Variants in NAALADL2 observed in about 807,000 individuals in gnomAD.
The protein encoded by NAALADL2 is inactive N-acetylated-alpha-linked acidic dipeptidase-like protein 2.
Under a neutral mutation model 87.2 loss-of-function variants are expected in NAALADL2, and 76 were observed. That is an observed-to-expected ratio of 0.87 (90% CI 0.72 to 1.05). The LOEUF is 1.05. NAALADL2 is among the 50% of genes least tolerant of loss of function. The pLI, the probability that NAALADL2 is intolerant of heterozygous loss-of-function variation, is 0.00. For missense variants in NAALADL2, 1,089 were observed against 945.8 expected (o/e 1.15, Z -1.99); for synonymous variants, 354 against 331.0 (o/e 1.07, Z -0.75).
intron 5 of NAALADL2, among the ~76,000 whole-genome samples, chr3:175,410,405 A>G (rs1012623497): frequency 1.3e-5 from 2 of 152,168 alleles, no homozygotes; most frequent in Non-Finnish European, 2.9e-5. Context: ...GAAGCTCTGT[A>G]TGAACACTAA....
At chr3:175,222,902 A>G (rs993628784) in intron 2 of NAALADL2, among the ~76,000 whole-genome samples, 1 of 152,164 alleles carries the variant, frequency 6.6e-6, no homozygotes, top group Non-Finnish European at 1.5e-5. Context: ...CTGGCTTAAT[A>G]AAACACTGCT....
chr3:174,761,238 T>C (rs569562724), intron 3 of NAALADL2, among the ~76,000 whole-genome samples: 28 of 152,336 alleles, frequency 1.8e-4, no homozygotes, highest in Admixed American at 1.8e-3. Flanking sequence ...ATTATTCTGA[T>C]TTGGCAATTT....
In NAALADL2 at chr3:175,013,353, C is replaced by A. The variant is rs192542312; in HGVS notation, c.44-83437C>A. 2.0e-4 allele frequency among the ~76,000 whole-genome samples: 24 copies of A among 120,722 alleles called. No homozygotes were observed. The Admixed American group carries it at 2.4e-3, about 12-fold the overall frequency. The allele number at this position is 120,722 out of a possible 152,430, so 79.2% of individuals were successfully genotyped here. A position where few individuals can be genotyped will look rare whatever the true frequency, so the allele number is the denominator to read the frequency against. The stretch of plus-strand genomic sequence containing the variant: ...TTGCTCTGTTGTCCAGGCTGGAGTG[C>A]AGTGGTGTGATCTCGGCTCATTGAA... On this transcript the variant is annotated intron_variant, in intron 1 of 13. Transcript: ENST00000454872.
At chr3:175,005,399 T>A (rs912652799) in intron 1 of NAALADL2, among the ~76,000 whole-genome samples, 1 of 152,218 alleles carries the variant, frequency 6.6e-6, no homozygotes, top group Non-Finnish European at 1.5e-5. Flanking sequence ...CTACACTTTA[T>A]AATAACCTAT....
intron 2 of NAALADL2, among the ~76,000 whole-genome samples, chr3:174,705,308 C>A (rs910895887): frequency 2.3e-4 from 35 of 152,098 alleles, no homozygotes; most frequent in African/African-American, 6.5e-4. Flanking sequence ...GACAGTAGCC[C>A]CAGTAAGAAT....
intron 11 of NAALADL2, among the ~76,000 whole-genome samples, chr3:175,658,169 A>T (rs569084712): frequency 1.3e-3 from 200 of 152,238 alleles, no homozygotes; most frequent in Admixed American, 1.6e-3. Flanking sequence ...GCATTTTATC[A>T]TGTCACTATA....
intron 13 of NAALADL2, chr3:175,773,036 G>A (rs1178553918): frequency 6.6e-6 from 1 of 152,102 alleles, no homozygotes; most frequent in Non-Finnish European, 1.5e-5. Context: ...ATGTATCCTG[G>A]TTAACAGGTA....
chr3:175,515,159 A>AT (rs1335843405), intron 9 of NAALADL2, among the ~76,000 whole-genome samples: 3 of 152,200 alleles, frequency 2.0e-5, no homozygotes, highest in African/African-American at 7.2e-5. Context: ...TGTAAGTTCA[A>AT]TTTTTGTGGA....
chr3:175,444,028 C>G (rs1020150215), intron 5 of NAALADL2, among the ~76,000 whole-genome samples: 1 of 152,056 alleles, frequency 6.6e-6, no homozygotes, highest in Non-Finnish European at 1.5e-5. Flanking sequence ...GGGGACGTGG[C>G]TCATGGAGTA....
intron 2 of NAALADL2, among the ~76,000 whole-genome samples, chr3:175,116,257 A>G (rs1452434057): frequency 6.6e-6 from 1 of 152,070 alleles, no homozygotes; most frequent in Non-Finnish European, 1.5e-5. Flanking sequence ...AGAAAGAAAT[A>G]AAGGATATTC....
chr3:174,624,937 T>C (rs547625893), intron 2 of NAALADL2, among the ~76,000 whole-genome samples: 1 of 152,274 alleles, frequency 6.6e-6, no homozygotes, highest in South Asian at 2.1e-4. Context: ...TTCTGCATTC[T>C]CTTTAGAAAG....
chr3:175,352,787 A>T (rs1763915706), intron 5 of NAALADL2, among the ~76,000 whole-genome samples: 1 of 152,106 alleles, frequency 6.6e-6, no homozygotes, highest in Admixed American at 6.6e-5. Flanking sequence ...TTATGTCAAA[A>T]TTGTGCTGAA....
intron 1 of NAALADL2, among the ~76,000 whole-genome samples, chr3:174,991,825 T>C (rs1454379272): frequency 1.3e-5 from 2 of 152,130 alleles, no homozygotes; most frequent in Non-Finnish European, 2.9e-5. Context: ...CATTATTGTC[T>C]GTGTTTGCAC....
chr3:175,009,679 T>C (rs988310591), intron 1 of NAALADL2, among the ~76,000 whole-genome samples: 1 of 151,526 alleles, frequency 6.6e-6, no homozygotes, highest in African/African-American at 2.4e-5. Flanking sequence ...TGATTAAGTT[T>C]CCTTGCTTCT....
At chr3:175,454,739 T>C (rs1335911080) in intron 6 of NAALADL2, among the ~76,000 whole-genome samples, 2 of 152,106 alleles carry the variant, frequency 1.3e-5, no homozygotes, top group African/African-American at 4.8e-5. Context: ...TTATAAGTTA[T>C]TATCAGTGAG....
chr3:175,728,141 AG>A (rs1743185891), intron 11 of NAALADL2, among the ~76,000 whole-genome samples: 1 of 152,174 alleles, frequency 6.6e-6, no homozygotes, highest in Non-Finnish European at 1.5e-5. Context: ...CTATAGGTCA[AG>A]GGGAGCAATG....
intron 2 of NAALADL2, among the ~76,000 whole-genome samples, chr3:174,585,524 C>G (rs921952772): frequency 7.9e-5 from 12 of 152,234 alleles, no homozygotes; most frequent in African/African-American, 2.9e-4. Context: ...AATTCATTTT[C>G]AATTTGAATA....
In NAALADL2 at chr3:174,844,274, T is replaced by TA. The variant is rs1286287426; in HGVS notation, c.-9+106529dup. Among the ~76,000 whole-genome samples the TA allele has an allele frequency of 2.6e-5, 4 of 152,346 alleles. No individual in the cohort carries two copies. The East Asian group carries it at 7.7e-4, about 29-fold the overall frequency. On this transcript the variant is annotated intron_variant, in intron 3 of 3. Transcript: ENST00000434257. ...GGTTTTCCCCAATTTGCCCTATTGG[T>TA]ACCTGTGTTGAAAATCAGTTGGCTA...
intron 4 of NAALADL2, among the ~76,000 whole-genome samples, chr3:175,323,844 T>C (rs371297325): frequency 2.3e-4 from 31 of 134,942 alleles, no homozygotes; most frequent in African/African-American, 6.2e-4. Context: ...GGTGAAACCC[T>C]GTCTCTACTA....
Sources: gnomAD v4.1 joint callset for allele counts (sites outside exome capture counted in the v4.1 genomes callset) on GRCh38, gnomAD v4.1.1 for gene constraint, MANE v1.5 for transcripts, NCBI Gene and HGNC (gene_info 2026-07-23, HGNC 2026-07-21) for gene names.